Variants in CAMTA1 observed in about 807,000 individuals in gnomAD.
CAMTA1 encodes the protein calmodulin-binding transcription activator 1.
Under a neutral mutation model 170.9 loss-of-function variants are expected in CAMTA1, and 27 were observed. The observed-to-expected ratio is 0.16, with a 90% confidence interval of 0.12 to 0.22. The LOEUF (loss-of-function observed/expected upper bound fraction) is 0.22, where lower values mean the gene tolerates loss of function less well. CAMTA1 is among the 10% of genes least tolerant of loss of function. CAMTA1 has a pLI of 1.00. For synonymous variants in CAMTA1, 833 were observed against 891.5 expected (o/e 0.93, Z 1.17); for missense variants, 1,619 against 2,217.2 (o/e 0.73, Z 5.42).
chr1:7,028,982 T>C (rs1702407156), intron 3 of CAMTA1, among the ~76,000 whole-genome samples: 1 of 152,214 alleles, frequency 6.6e-6, no homozygotes, highest in African/African-American at 2.4e-5. Context: ...GTGTTATTGA[T>C]TTGGAATGAG....
At chr1:6,945,480 C>G (rs1448338816) in intron 3 of CAMTA1, among the ~76,000 whole-genome samples, 1 of 152,096 alleles carries the variant, frequency 6.6e-6, no homozygotes, top group Non-Finnish European at 1.5e-5. Context: ...TCCCAAGTAG[C>G]TGGGACCACA....
At chr1:7,437,533 C>T (rs1404203727) in intron 5 of CAMTA1, among the ~76,000 whole-genome samples, 1 of 152,222 alleles carries the variant, frequency 6.6e-6, no homozygotes, top group East Asian at 1.9e-4. Flanking sequence ...CCCACCGACT[C>T]ATCTGAACTC....
At chr1:7,261,732 AG>A (rs1668202469) in intron 5 of CAMTA1, among the ~76,000 whole-genome samples, 1 of 152,246 alleles carries the variant, frequency 6.6e-6, no homozygotes, top group South Asian at 2.1e-4. Flanking sequence ...CTCAGGACAG[AG>A]GATGCAGGCG....
intron 5 of CAMTA1, among the ~76,000 whole-genome samples, chr1:7,304,597 C>CTT (rs71582093): frequency 2.1e-5 from 3 of 141,904 alleles, no homozygotes; most frequent in African/African-American, 2.6e-5. Context: ...GTTATCAAAG[C>CTT]TTTTTTTTTT....
chr1:7,055,097 C>T (rs1385879426), intron 3 of CAMTA1, among the ~76,000 whole-genome samples: 1 of 152,116 alleles, frequency 6.6e-6, no homozygotes, highest in Non-Finnish European at 1.5e-5. Context: ...TCACGAGAAC[C>T]CTACCCCCAT....
chr1:7,440,299 C>A (rs2092482855), intron 5 of CAMTA1, among the ~76,000 whole-genome samples: 1 of 152,262 alleles, frequency 6.6e-6, no homozygotes. Context: ...GGAGCCCCGA[C>A]CTCTTCCCTC....
chr1:7,058,109 T>G (rs924214111), intron 3 of CAMTA1, among the ~76,000 whole-genome samples: 3 of 152,132 alleles, frequency 2.0e-5, no homozygotes, highest in Non-Finnish European at 4.4e-5. Flanking sequence ...TCACACCAGA[T>G]GGCTATGGCC....
chr1:7,123,872 C>T (rs1644784236), intron 4 of CAMTA1, among the ~76,000 whole-genome samples: 1 of 152,208 alleles, frequency 6.6e-6, no homozygotes, highest in Non-Finnish European at 1.5e-5. Context: ...TGTGGGGTTG[C>T]ATCCAAGTCC....
chr1:7,178,234 A>G (rs1443756431), intron 4 of CAMTA1, among the ~76,000 whole-genome samples: 2 of 152,048 alleles, frequency 1.3e-5, no homozygotes, highest in Admixed American at 6.5e-5. Flanking sequence ...GGCCATAGGA[A>G]ATATCCCTCA....
intron 5 of CAMTA1, among the ~76,000 whole-genome samples, chr1:7,322,156 C>G (rs1057207421): frequency 1.3e-5 from 2 of 152,220 alleles, no homozygotes; most frequent in African/African-American, 4.8e-5. Flanking sequence ...GTGTCTGACT[C>G]TGGCATAACA....
At chr1:6,999,681 T>A (rs1697911856) in intron 3 of CAMTA1, among the ~76,000 whole-genome samples, 1 of 152,146 alleles carries the variant, frequency 6.6e-6, no homozygotes, top group South Asian at 2.1e-4. Flanking sequence ...CGGGTCTTTT[T>A]TCTTAGAGCG....
At position 7,609,896 on chromosome 1, in the gene CAMTA1, C is replaced by T. The variant is rs897035322; in HGVS notation, c.511-30504C>T. Among the ~76,000 whole-genome samples, 1 of 152,188 alleles carries T rather than the reference C, an allele frequency of 6.6e-6. No individual in the cohort carries two copies. The highest frequency in any genetic ancestry group is 1.9e-4 in the East Asian group (1 of 5,184). ...GGATTATTATGTACTGCTCTTACTT[C>T]ACCTCTCCTGGTCTTCATTCTCTTA... On this transcript the variant is annotated intron_variant, in intron 6 of 22. Transcript: ENST00000303635. The surrounding 1 kb of genome is among the most constrained non-coding windows in gnomAD (Gnocchi z 4.4).
chr1:6,860,630 C>T (rs1664307142), intron 3 of CAMTA1, among the ~76,000 whole-genome samples: 1 of 152,034 alleles, frequency 6.6e-6, no homozygotes, highest in African/African-American at 2.4e-5. Flanking sequence ...TCTATCAGGG[C>T]CGGGCGCAAT....
At chr1:7,599,646 G>A (rs1366637066) in intron 6 of CAMTA1, among the ~76,000 whole-genome samples, 2 of 152,082 alleles carry the variant, frequency 1.3e-5, no homozygotes, top group Admixed American at 1.3e-4. Context: ...TCCTTGAAAA[G>A]GTCCTTCATG....
intron 1 of CAMTA1, among the ~76,000 whole-genome samples, chr1:6,789,678 G>A (rs1640461329): frequency 6.6e-6 from 1 of 152,094 alleles, no homozygotes; most frequent in Admixed American, 6.5e-5. Flanking sequence ...CATGACTGGA[G>A]TCATTCATTC....
At chr1:7,467,782 C>G in intron 5 of CAMTA1, 48 bp from the exon 6 acceptor site, 171 of 1,380,192 alleles carry the variant, frequency 1.2e-4, no homozygotes, top group Non-Finnish European at 1.7e-4. Flanking sequence ...TCCTTCCTTC[C>G]TTCCTTCCCT....
chr1:7,290,652 G>T (rs974943614), intron 5 of CAMTA1, among the ~76,000 whole-genome samples: 1 of 152,046 alleles, frequency 6.6e-6, no homozygotes, highest in African/African-American at 2.4e-5. Context: ...CATATAAACT[G>T]ACTGCTATCT....
At chr1:7,019,613 A>G (rs1701067517) in intron 3 of CAMTA1, among the ~76,000 whole-genome samples, 2 of 152,222 alleles carry the variant, frequency 1.3e-5, no homozygotes, top group Admixed American at 1.3e-4. Context: ...GAATCGTTAG[A>G]GGACAGGAGA....
At chr1:7,174,069 C>T (rs115947386) in intron 4 of CAMTA1, among the ~76,000 whole-genome samples, 1,944 of 152,208 alleles carry the variant, frequency 0.013, 45 homozygotes, top group African/African-American at 0.044. Context: ...AGAGCCCCTC[C>T]ACTCCTCACC....
Sources: allele counts gnomAD v4.1 joint callset (sites outside exome capture counted in the v4.1 genomes callset), GRCh38; gene constraint gnomAD v4.1.1; non-coding constraint Gnocchi (gnomAD v3.1); transcripts MANE v1.5; gene names NCBI Gene and HGNC (gene_info 2026-07-23, HGNC 2026-07-21).